Variants in P2RX7 observed in about 807,000 individuals in gnomAD.
P2RX7 encodes the protein P2X purinoceptor 7.
Under a neutral mutation model 71.6 loss-of-function variants are expected in P2RX7, and 62 were observed. The observed-to-expected ratio is 0.87, with a 90% CI of 0.71 to 1.07. P2RX7 has a LOEUF of 1.07. Among genes scored for constraint, P2RX7 ranks in the 50% least tolerant of loss-of-function variants. The pLI is 0.00. For synonymous variants in P2RX7, 299 were observed against 283.3 expected (o/e 1.06, Z -0.56); for missense variants, 686 against 748.5 (o/e 0.92, Z 0.97).
At chr12:121,159,417 C>CAAAAAAAA (rs397850013) in intron 3 of P2RX7, among the ~76,000 whole-genome samples, 2 of 65,752 alleles carry the variant, frequency 3.0e-5, no homozygotes, top group Non-Finnish European at 5.7e-5. Flanking sequence ...ACTCTGTCTC[C>CAAAAAAAA]AAAAAAAAAA....
intron 3 of P2RX7, 101 bp from the exon 4 acceptor site, chr12:121,160,801 A>G (rs1373684851): frequency 6.0e-6 from 6 of 1,002,508 alleles, no homozygotes; most frequent in Admixed American, 1.7e-5. Flanking sequence ...TAGTGCTGCT[A>G]TAAGCATTCG....
chr12:121,176,474 C>T (rs1024538684), intron 9 of P2RX7, among the ~76,000 whole-genome samples: 5 of 152,244 alleles, frequency 3.3e-5, no homozygotes, highest in Non-Finnish European at 5.9e-5. Context: ...AAGGCTGGGC[C>T]GGGCACGGTG....
At chr12:121,139,951 C>T (rs529295620) in intron 1 of P2RX7, among the ~76,000 whole-genome samples, 2 of 152,094 alleles carry the variant, frequency 1.3e-5, no homozygotes, top group Non-Finnish European at 2.9e-5. Context: ...AGGCTGGTCT[C>T]GAACTCCTGG....
chr12:121,177,380 T>C lies in P2RX7; in HGVS notation c.1122T>C (p.Cys374=), dbSNP rs377278666. 5.6e-6 allele frequency: 9 copies of C among 1,613,900 alleles called. No homozygotes were observed. The African/African-American group carries it at 1.2e-4, about 22-fold the overall frequency. ...ATATTTATCCCTGGTGCAAGTGCTG[T>C]CAGCCCTGTGTGGTCAACGAATACT... ...RSHIYPWCKC[C]QPCVVNEYYY... The change falls in exon 11 of 13, where the codon TGT becomes TGC. Residue 374 remains cysteine (C), a synonymous_variant. Coordinates refer to ENST00000328963, the MANE Select transcript of P2RX7 (RefSeq NM_002562.6).
rs557722844 is a variant in P2RX7, at chr12:121,143,801, G to A, written c.125+10706G>A. Among the ~76,000 whole-genome samples the A allele has an allele frequency of 8.5e-5, 13 of 152,240 alleles. 1 individual carries two copies. Among genetic ancestry groups the A allele is most frequent in the African/African-American group, 3.1e-4 (13 of 41,530 alleles). On this transcript the variant is annotated intron_variant, in intron 1 of 12. Coordinates refer to ENST00000328963, the MANE Select transcript of P2RX7 (RefSeq NM_002562.6). ...CAGGAGGCAGAGGTTGCAGTGAGCC[G>A]AGGTCATGGCATTGCACTCCAGCCT...
chr12:121,166,180 C>T lies in P2RX7; in HGVS notation c.737C>T (p.Ala246Val), dbSNP rs763654429. ...ACAGGCGATAATTTTTCAGATGTGG[C>T]AATTCAGGTTGGTGGTGCTTTGTAC... ...RETGDNFSDV[A>V]IQGGIMGIEI... is the part of the protein sequence containing the mutation. The change falls in exon 7 of 13, where the codon GCA becomes GTA. Residue 246 changes from alanine (A) to valine (V), a missense_variant. Physicochemically the swap from Ala to Val is moderately conservative, Grantham distance 64. Coordinates refer to ENST00000328963, the MANE Select transcript of P2RX7 (RefSeq NM_002562.6). The T allele has an allele frequency of 1.2e-5, 20 of 1,612,920 alleles. No individual in the cohort carries two copies. In the South Asian group the frequency reaches 2.0e-4, roughly 16 times the overall value.
intron 12 of P2RX7, among the ~76,000 whole-genome samples, chr12:121,183,139 T>A (rs1884404561): frequency 6.6e-6 from 1 of 150,924 alleles, no homozygotes; most frequent in South Asian, 2.1e-4. Flanking sequence ...ATCACACCAC[T>A]GCACTCCAGC....
rs562962167 is a variant in P2RX7, at chr12:121,141,930, C to G, written c.125+8835C>G. Among the ~76,000 whole-genome samples, 6 of 152,270 alleles carry G rather than the reference C, an allele frequency of 3.9e-5. No homozygotes were observed. The East Asian group carries it at 1.2e-3, about 29-fold the overall frequency. On this transcript the variant is annotated intron_variant, in intron 1 of 12. Coordinates refer to ENST00000328963, the MANE Select transcript of P2RX7 (RefSeq NM_002562.6). The stretch of plus-strand genomic sequence containing the variant: ...GCTAGGACACAACAGGAGACCCAAG[C>G]TTTCCAAACATATGCCCCAGGCAAC...
chr12:121,163,360 A>ACG lies in P2RX7; in HGVS notation c.533+841_533+842insGC, dbSNP rs1430388448. ...CACACACACACACACACACACACGC[A>ACG]CACACACACACACACACAATCTACC... On this transcript the variant is annotated intron_variant, in intron 5 of 12. Coordinates refer to ENST00000328963, the MANE Select transcript of P2RX7 (RefSeq NM_002562.6). 5.5e-5 allele frequency among the ~76,000 whole-genome samples: 8 copies of ACG among 144,354 alleles called. No individual in the cohort carries two copies. In the South Asian group the frequency reaches 1.1e-3, roughly 20 times the overall value. 94.7% of individuals were successfully genotyped at this position (144,354 alleles called of 152,430 possible).
At chr12:121,162,795 C>T (rs1379480859) in intron 5 of P2RX7, among the ~76,000 whole-genome samples, 2 of 152,074 alleles carry the variant, frequency 1.3e-5, no homozygotes, top group African/African-American at 4.8e-5. Context: ...TTCCTTCCCC[C>T]AGATCTTCCA....
intron 1 of P2RX7, among the ~76,000 whole-genome samples, chr12:121,137,158 G>A (rs1178309894): frequency 1.3e-5 from 2 of 152,294 alleles, no homozygotes; most frequent in South Asian, 2.1e-4. Flanking sequence ...AACCGGGTTC[G>A]CTGGAGTAGG....
At chr12:121,169,699 G>A (rs1313682491) in intron 8 of P2RX7, among the ~76,000 whole-genome samples, 1 of 151,994 alleles carries the variant, frequency 6.6e-6, no homozygotes, top group African/African-American at 2.4e-5. Flanking sequence ...TGAACCCGGG[G>A]GTTTGAGGCT....
intron 3 of P2RX7, 102 bp downstream of exon 3, chr12:121,156,249 C>A: frequency 2.1e-6 from 2 of 930,928 alleles, no homozygotes; most frequent in South Asian, 1.3e-5. Flanking sequence ...TATTTGAGCC[C>A]ACAGATATCT....
intron 1 of P2RX7, among the ~76,000 whole-genome samples, chr12:121,135,287 A>G (rs2859406): frequency 0.98 from 149,510 of 152,078 alleles, 73,559 homozygotes; most frequent in Middle Eastern, 1. Flanking sequence ...GCAGTGAGCC[A>G]AGATCAAGCC....
intron 12 of P2RX7, 93 bp from the exon 13 acceptor site, chr12:121,184,212 A>C: frequency 7.1e-7 from 1 of 1,398,940 alleles, no homozygotes; most frequent in African/African-American, 1.5e-5. Flanking sequence ...AAATCATGTA[A>C]TATTAAACGT....
chr12:121,162,976 AG>A (rs1555226265), intron 5 of P2RX7, among the ~76,000 whole-genome samples: 3,549 of 144,502 alleles, frequency 0.025, 121 homozygotes, highest in African/African-American at 0.078. Context: ...AGGGTAAAAG[AG>A]GGGGGGAAGG....
At chr12:121,159,957 T>G (rs1879317129) in intron 3 of P2RX7, among the ~76,000 whole-genome samples, 1 of 152,206 alleles carries the variant, frequency 6.6e-6, no homozygotes, top group Non-Finnish European at 1.5e-5. Flanking sequence ...CCATTTTTAT[T>G]TATTTGTATT....
intron 11 of P2RX7, among the ~76,000 whole-genome samples, chr12:121,178,182 A>AC (rs1883480056): frequency 6.6e-6 from 1 of 152,204 alleles, no homozygotes; most frequent in African/African-American, 2.4e-5. Context: ...TCACATGAGT[A>AC]CCCGCAGTAC....
rs960658776 is a variant in P2RX7 at position 121,187,397 on chromosome 12, A to T, written c.*2595A>T. Reference sequence around the variant, plus strand: ...TTTGATTTTTACTACCTTTTCAAAGATATTTTAAAAAGTGGATTACTACAT... The same window carrying T: ...TTTGATTTTTACTACCTTTTCAAAGTTATTTTAAAAAGTGGATTACTACAT... On this transcript the variant is annotated 3_prime_UTR_variant, in exon 13 of 13. Transcript: ENST00000328963. 1 of 152,232 alleles carries T rather than the reference A, an allele frequency of 6.6e-6. No individual in the cohort carries two copies. The highest frequency in any genetic ancestry group is 2.4e-5 in the African/African-American group (1 of 41,468). 9.4% of individuals were successfully genotyped at this position (152,232 alleles called of 1,614,324 possible).
Sources: allele counts gnomAD v4.1 joint callset (sites outside exome capture counted in the v4.1 genomes callset), GRCh38; gene constraint gnomAD v4.1.1; transcripts MANE v1.5; gene names NCBI Gene and HGNC (gene_info 2026-07-23, HGNC 2026-07-21).